CFAP299: variants seen among roughly 807,000 people sequenced by gnomAD.
CFAP299 encodes the protein cilia- and flagella-associated protein 299.
In CFAP299, 21 loss-of-function variants were observed where a neutral mutation model predicts 27.0. That is an observed-to-expected ratio of 0.78 (90% CI 0.55 to 1.12). The LOEUF is 1.12. Ranked by LOEUF, CFAP299 falls within the 50% of genes most tolerant of loss-of-function variation. CFAP299 has a pLI of 0.00. For missense variants in CFAP299, 310 were observed against 276.6 expected (o/e 1.12, Z -0.86); for synonymous variants, 104 against 98.1 (o/e 1.06, Z -0.36).
intron 3 of CFAP299, among the ~76,000 whole-genome samples, chr4:80,779,502 C>G (rs1726750284): frequency 6.6e-6 from 1 of 151,842 alleles, no homozygotes; most frequent in African/African-American, 2.4e-5. Context: ...TCTTCTTTTC[C>G]CCTTGCATCT....
At chr4:80,780,530 C>T (rs866804670) in intron 3 of CFAP299, among the ~76,000 whole-genome samples, 2 of 152,150 alleles carry the variant, frequency 1.3e-5, no homozygotes, top group Middle Eastern at 3.4e-3. Flanking sequence ...GTGATGTCCT[C>T]AGTATTTAAG....
At chr4:80,856,371 G>A (rs942839493) in intron 3 of CFAP299, among the ~76,000 whole-genome samples, 47 of 150,752 alleles carry the variant, frequency 3.1e-4, no homozygotes, top group African/African-American at 1.1e-3. Flanking sequence ...CACTCTGATG[G>A]TAGTTTCTTT....
intron 4 of CFAP299, among the ~76,000 whole-genome samples, chr4:80,901,378 A>C (rs114073753): frequency 0.02 from 3,040 of 152,264 alleles, 78 homozygotes; most frequent in African/African-American, 0.067. Flanking sequence ...CTTTGGGCAG[A>C]TCATCCAAGA....
At chr4:80,499,201 C>T (rs1363693060) in intron 2 of CFAP299, among the ~76,000 whole-genome samples, 1 of 151,996 alleles carries the variant, frequency 6.6e-6, no homozygotes, top group Non-Finnish European at 1.5e-5. Flanking sequence ...TGAGATTTAC[C>T]CATATAACAC....
intron 3 of CFAP299, among the ~76,000 whole-genome samples, chr4:80,737,287 C>CATGT (rs1050975845): frequency 2.7e-5 from 4 of 148,450 alleles, no homozygotes; most frequent in Non-Finnish European, 6.0e-5. Flanking sequence ...ACATTGCGCA[C>CATGT]ATGTACCCTA....
At chr4:80,697,695 C>G (rs753932027) in intron 3 of CFAP299, among the ~76,000 whole-genome samples, 2 of 152,052 alleles carry the variant, frequency 1.3e-5, no homozygotes, top group Admixed American at 1.3e-4. Flanking sequence ...AATGTAAGAG[C>G]GATCATACAA....
chr4:80,953,255 G>A (rs1198063615), intron 5 of CFAP299, among the ~76,000 whole-genome samples: 3 of 151,998 alleles, frequency 2.0e-5, no homozygotes, highest in Non-Finnish European at 2.9e-5. Flanking sequence ...ATTTTCCTTG[G>A]AGGCCTCTTA....
chr4:80,854,838 CA>C (rs1731746474), intron 3 of CFAP299, among the ~76,000 whole-genome samples: 1 of 53,740 alleles, frequency 1.9e-5, no homozygotes, highest in African/African-American at 7.5e-5. Flanking sequence ...AAAAAAAAAA[CA>C]GAAAAGGAAA....
intron 3 of CFAP299, among the ~76,000 whole-genome samples, chr4:80,771,507 A>ACTGAGTTAT (rs11281640): frequency 6.6e-6 from 1 of 152,080 alleles, no homozygotes; most frequent in Non-Finnish European, 1.5e-5. Context: ...TATGCATATT[A>ACTGAGTTAT]CTTCTCAGAT....
chr4:80,484,468 C>T (rs113736731), intron 2 of CFAP299, among the ~76,000 whole-genome samples: 1 of 152,078 alleles, frequency 6.6e-6, no homozygotes, highest in African/African-American at 2.4e-5. Context: ...TCTTATCCAT[C>T]CTTTGCTGAG....
chr4:80,385,625 A>G (rs1415315180), intron 2 of CFAP299, among the ~76,000 whole-genome samples: 3 of 152,030 alleles, frequency 2.0e-5, no homozygotes, highest in East Asian at 1.9e-4. Context: ...GTGCATGTCA[A>G]CTCTTGGAAT....
intron 3 of CFAP299, among the ~76,000 whole-genome samples, chr4:80,812,938 G>C (rs1185750314): frequency 6.6e-6 from 1 of 152,050 alleles, no homozygotes; most frequent in Non-Finnish European, 1.5e-5. Flanking sequence ...ATTTCTGCAA[G>C]AGATTATTGA....
At chr4:80,698,551 G>T (rs1173109503) in intron 3 of CFAP299, among the ~76,000 whole-genome samples, 1 of 152,166 alleles carries the variant, frequency 6.6e-6, no homozygotes, top group East Asian at 1.9e-4. Flanking sequence ...GATGATTGTT[G>T]CCTTCAAAGA....
chr4:80,865,063 C>T (rs1416141349), intron 3 of CFAP299, among the ~76,000 whole-genome samples: 2 of 152,024 alleles, frequency 1.3e-5, no homozygotes, highest in Admixed American at 6.6e-5. Context: ...TTGGATGCTC[C>T]CCTCTCTAGC....
intron 2 of CFAP299, among the ~76,000 whole-genome samples, chr4:80,455,108 C>G (rs1729082189): frequency 6.6e-6 from 1 of 152,144 alleles, no homozygotes; most frequent in South Asian, 2.1e-4. Context: ...AATCTTGAGG[C>G]CTCTAGCTGT....
At chr4:80,890,191 C>T (rs1330497179) in intron 4 of CFAP299, among the ~76,000 whole-genome samples, 1 of 152,036 alleles carries the variant, frequency 6.6e-6, no homozygotes, top group African/African-American at 2.4e-5. Context: ...GTCAAATTAT[C>T]TTTGTTGGTA....
the CFAP299 span, among the ~76,000 whole-genome samples, chr4:80,322,188 G>T: frequency 6.6e-6 from 1 of 152,192 alleles, no homozygotes; most frequent in East Asian, 1.9e-4. Flanking sequence ...GCAATAAAAG[G>T]TTCCCATTTA....
At chr4:80,403,008 A>G (rs1210841084) in intron 2 of CFAP299, among the ~76,000 whole-genome samples, 3 of 152,218 alleles carry the variant, frequency 2.0e-5, no homozygotes, top group Non-Finnish European at 4.4e-5. Context: ...TGGTGACTAA[A>G]CATTCATGTC....
At chr4:80,882,084 G>C (rs1224070605) in intron 4 of CFAP299, among the ~76,000 whole-genome samples, 1 of 152,094 alleles carries the variant, frequency 6.6e-6, no homozygotes, top group African/African-American at 2.4e-5. Flanking sequence ...GAAAAAGACT[G>C]AAGAAAGCCT....
Sources: gnomAD v4.1 joint callset for allele counts (sites outside exome capture counted in the v4.1 genomes callset) on GRCh38, gnomAD v4.1.1 for gene constraint, MANE v1.5 for transcripts, NCBI Gene and HGNC (gene_info 2026-07-23, HGNC 2026-07-21) for gene names.